Variants in ZFYVE28 observed in about 807,000 individuals in gnomAD.
ZFYVE28 encodes lateral signaling target protein 2 homolog.
In ZFYVE28, 40 loss-of-function variants were observed where a neutral mutation model predicts 82.1. The observed-to-expected ratio is 0.49, with a 90% CI of 0.38 to 0.63. ZFYVE28 has a LOEUF of 0.63. Among genes scored for constraint, ZFYVE28 ranks in the 30% least tolerant of loss-of-function variants. The pLI is 0.00. For missense variants in ZFYVE28, 1,321 were observed against 1,242.1 expected (o/e 1.06, Z -0.96); for synonymous variants, 612 against 546.1 (o/e 1.12, Z -1.68).
intron 1 of ZFYVE28, among the ~76,000 whole-genome samples, chr4:2,382,418 C>T (rs1396928851): frequency 3.3e-5 from 5 of 152,232 alleles, no homozygotes; most frequent in Non-Finnish European, 7.3e-5. Flanking sequence ...GGTGGAGCTG[C>T]CCAAGACGAT....
In ZFYVE28 at chr4:2,341,513, C is replaced by A; in HGVS notation, c.283G>T (p.Asp95Tyr). Reference sequence around the variant, plus strand: ...AACCACAGCTGGCCGGCCAGGTTGTCGTGCCGGATCTCCTCAGGGAACTTG... The same window carrying A: ...AACCACAGCTGGCCGGCCAGGTTGTAGTGCCGGATCTCCTCAGGGAACTTG... Reference protein sequence around the residue: ...CVKFPEEIRHDNLAGQLWFGA... With the variant: ...CVKFPEEIRHYNLAGQLWFGA... The change falls in exon 3 of 13, where the codon GAC (aspartate) becomes TAC (tyrosine). Residue 95 changes from aspartate (D) to tyrosine (Y), a missense_variant. Physicochemically the swap from Asp to Tyr is radical, Grantham distance 160 (BLOSUM62 -3). Coordinates refer to ENST00000290974, the MANE Select transcript of ZFYVE28 (RefSeq NM_020972.3). This position sits in a 1 kb window ranked among gnomAD's most constrained non-coding sequence, Gnocchi z 4.5. 6.2e-7 allele frequency: 1 copy of A among 1,613,842 alleles called. No individual in the cohort carries two copies. The highest frequency in any genetic ancestry group is 8.5e-7 in the Non-Finnish European group (1 of 1,180,014).
intron 7 of ZFYVE28, among the ~76,000 whole-genome samples, chr4:2,315,644 A>G (rs1381905770): frequency 1.3e-5 from 2 of 152,230 alleles, no homozygotes; most frequent in Admixed American, 1.3e-4. Flanking sequence ...TTTGTTGAGA[A>G]GACAGCTATC....
chr4:2,373,765 C>A (rs1727820893), intron 1 of ZFYVE28, among the ~76,000 whole-genome samples: 1 of 152,178 alleles, frequency 6.6e-6, no homozygotes, highest in Admixed American at 6.5e-5. Context: ...ATTCTAAAAG[C>A]TAGAGATGAT....
At chr4:2,311,793 T>C (rs1375127045) in intron 7 of ZFYVE28, among the ~76,000 whole-genome samples, 2 of 152,180 alleles carry the variant, frequency 1.3e-5, no homozygotes, top group South Asian at 2.1e-4. Flanking sequence ...TTTGTTTTTT[T>C]AGAAATGAGG....
intron 2 of ZFYVE28, among the ~76,000 whole-genome samples, chr4:2,353,311 G>A (rs1046484591): frequency 2.6e-5 from 4 of 152,216 alleles, no homozygotes; most frequent in African/African-American, 9.7e-5. Flanking sequence ...TGTTGGAGGA[G>A]CATGTGTCAG....
At chr4:2,361,945 C>T (rs1191479697) in intron 1 of ZFYVE28, among the ~76,000 whole-genome samples, 1 of 152,108 alleles carries the variant, frequency 6.6e-6, no homozygotes, top group Non-Finnish European at 1.5e-5. Flanking sequence ...GCAGCACAGC[C>T]AGGCCAGAGA....
chr4:2,327,309 T>C (rs1387449855), intron 6 of ZFYVE28, among the ~76,000 whole-genome samples: 1 of 69,674 alleles, frequency 1.4e-5, no homozygotes, highest in East Asian at 3.8e-4. Context: ...TATATATATA[T>C]CGAATAAAGT....
At chr4:2,322,201 G>T (rs1031158856) in intron 6 of ZFYVE28, among the ~76,000 whole-genome samples, 4 of 152,258 alleles carry the variant, frequency 2.6e-5, no homozygotes, top group African/African-American at 9.6e-5. Flanking sequence ...GGGGTGTGGG[G>T]GCCAGAGGTG....
At position 2,320,127 on chromosome 4, in the gene ZFYVE28, C is replaced by A. The variant is rs200166079; in HGVS notation, c.803+43G>T. 5.1e-4 allele frequency: 818 copies of A among 1,589,506 alleles called. 2 individuals are homozygous for A. The African/African-American group carries it at 9.3e-3, about 18-fold the overall frequency. Reference sequence around the variant, plus strand: ...ACTTCAGCGCCCACCTGTGGCCCTCCTGTCCCCCTCCCCTCCCCCACCTCC... The same window carrying A: ...ACTTCAGCGCCCACCTGTGGCCCTCATGTCCCCCTCCCCTCCCCCACCTCC... On this transcript the variant is annotated intron_variant, in intron 7 of 12. Transcript: ENST00000290974. The surrounding 1 kb of genome is among the most constrained non-coding windows in gnomAD (Gnocchi z 5.1).
chr4:2,384,233 T>G (rs1210666734), intron 1 of ZFYVE28, among the ~76,000 whole-genome samples: 1 of 152,164 alleles, frequency 6.6e-6, no homozygotes, highest in Admixed American at 6.5e-5. Flanking sequence ...GAACCGAGAC[T>G]GCACTGCTGA....
chr4:2,403,956 C>G (rs4246694), intron 1 of ZFYVE28, among the ~76,000 whole-genome samples: 2 of 135,924 alleles, frequency 1.5e-5, no homozygotes, highest in African/African-American at 2.9e-5. Flanking sequence ...GTGACAAGAG[C>G]GAAACTCCAT....
At chr4:2,414,557 G>A (rs531808734) in intron 1 of ZFYVE28, among the ~76,000 whole-genome samples, 23 of 152,354 alleles carry the variant, frequency 1.5e-4, no homozygotes, top group African/African-American at 5.5e-4. Context: ...GCTCTTCTCG[G>A]AGTGCAAGGT....
intron 1 of ZFYVE28, among the ~76,000 whole-genome samples, chr4:2,405,821 G>A (rs1731827757): frequency 6.6e-6 from 1 of 152,202 alleles, no homozygotes; most frequent in Non-Finnish European, 1.5e-5. Context: ...GCCAAGGCAG[G>A]GGGATCATCT....
Position 2,354,079 on chromosome 4 carries a change from G to A in ZFYVE28, c.40-6C>T, listed in dbSNP as rs1724884375. 6.5e-7 allele frequency: 1 copy of A among 1,536,726 alleles called. No individual in the cohort carries two copies. Among genetic ancestry groups the A allele is most frequent in the Non-Finnish European group, 8.8e-7 (1 of 1,140,958 alleles). Reference sequence around the variant, plus strand: ...AGCAGCTGCGGATCCGACCTCTGCAGGAGAGAGGGGCCAGGGCCATGAGTG... The same window carrying A: ...AGCAGCTGCGGATCCGACCTCTGCAAGAGAGAGGGGCCAGGGCCATGAGTG... On this transcript the variant is annotated splice_polypyrimidine_tract_variant and splice_region_variant and intron_variant, in intron 1 of 12. Coordinates refer to ENST00000290974, the MANE Select transcript of ZFYVE28 (RefSeq NM_020972.3).
chr4:2,392,341 T>C (rs1384272648), intron 1 of ZFYVE28, among the ~76,000 whole-genome samples: 2 of 152,210 alleles, frequency 1.3e-5, no homozygotes, highest in Admixed American at 6.5e-5. Context: ...TAGAGCCCAG[T>C]GATCACTCTC....
intron 12 of ZFYVE28, 83 bp downstream of exon 12, chr4:2,271,228 C>T: frequency 8.6e-6 from 12 of 1,400,878 alleles, no homozygotes; most frequent in Non-Finnish European, 1.1e-5. Context: ...CCCTGGGCAT[C>T]GGTTCTGACT....
intron 1 of ZFYVE28, among the ~76,000 whole-genome samples, chr4:2,402,343 A>G (rs1432560535): frequency 6.6e-6 from 1 of 152,226 alleles, no homozygotes; most frequent in African/African-American, 2.4e-5. Flanking sequence ...CGCCCCCGCC[A>G]TCAGACACCA....
intron 7 of ZFYVE28, among the ~76,000 whole-genome samples, chr4:2,318,177 G>A (rs537902530): frequency 6.6e-6 from 1 of 152,238 alleles, no homozygotes; most frequent in Non-Finnish European, 1.5e-5. Context: ...GAACAGCCAA[G>A]TAGACTGCAG....
chr4:2,297,649 C>A (rs149189628), intron 8 of ZFYVE28, among the ~76,000 whole-genome samples: 3 of 152,364 alleles, frequency 2.0e-5, no homozygotes, highest in East Asian at 3.9e-4. Flanking sequence ...CAGCTGCAAG[C>A]GCAATCTGGG....
Sources: gnomAD v4.1 joint callset for allele counts (sites outside exome capture counted in the v4.1 genomes callset) on GRCh38, gnomAD v4.1.1 for gene constraint, Gnocchi (gnomAD v3.1) non-coding constraint, MANE v1.5 for transcripts, NCBI Gene and HGNC (gene_info 2026-07-23, HGNC 2026-07-21) for gene names.